Variants in GPR176 observed in about 807,000 individuals in gnomAD.
The protein encoded by GPR176 is G protein-coupled receptor 176.
Under a neutral mutation model 35.4 loss-of-function variants are expected in GPR176, and 26 were observed. That is an observed-to-expected ratio of 0.74 (90% CI 0.54 to 1.02). The LOEUF (loss-of-function observed/expected upper bound fraction) is 1.02. Among genes scored for constraint, GPR176 ranks in the 50% least tolerant of loss-of-function variants. GPR176 has a pLI of 0.00. For synonymous variants in GPR176, 278 were observed against 271.3 expected (o/e 1.02, Z -0.24); for missense variants, 597 against 665.3 (o/e 0.90, Z 1.13).
intron 1 of GPR176, among the ~76,000 whole-genome samples, chr15:39,890,870 T>C (rs1226452655): frequency 1.3e-5 from 2 of 152,218 alleles, no homozygotes; most frequent in Admixed American, 1.3e-4. Flanking sequence ...TGACTAGGCT[T>C]CCATAAGGCC....
chr15:39,877,371 C>T (rs1306516281), intron 1 of GPR176, among the ~76,000 whole-genome samples: 1 of 152,142 alleles, frequency 6.6e-6, no homozygotes, highest in African/African-American at 2.4e-5. Flanking sequence ...ATATTCACCC[C>T]AAATTCCCCC....
At chr15:39,817,060 T>G (rs1233301819) in intron 1 of GPR176, among the ~76,000 whole-genome samples, 1 of 22,014 alleles carries the variant, frequency 4.5e-5, no homozygotes, top group Admixed American at 6.1e-4. Context: ...CAGAGCAGGA[T>G]TCTGTCTCAA....
chr15:39,827,446 A>T (rs1336106897), intron 1 of GPR176, among the ~76,000 whole-genome samples: 1 of 152,154 alleles, frequency 6.6e-6, no homozygotes, highest in African/African-American at 2.4e-5. Flanking sequence ...CTTTTGAAAG[A>T]GTTAGTTTCT....
chr15:39,876,238 T>C (rs1390326927), intron 1 of GPR176, among the ~76,000 whole-genome samples: 2 of 152,108 alleles, frequency 1.3e-5, no homozygotes, highest in Non-Finnish European at 2.9e-5. Flanking sequence ...ATGCTTCAGC[T>C]GCATAAACAT....
chr15:39,893,095 C>CT (rs78705672), intron 1 of GPR176, among the ~76,000 whole-genome samples: 23 of 150,312 alleles, frequency 1.5e-4, no homozygotes, highest in Middle Eastern at 3.4e-3. Flanking sequence ...CTCTAACTCT[C>CT]TTTTTTTTTT....
chr15:39,889,834 T>C (rs1410450836), intron 1 of GPR176, among the ~76,000 whole-genome samples: 1 of 152,126 alleles, frequency 6.6e-6, no homozygotes, highest in Non-Finnish European at 1.5e-5. Flanking sequence ...AGAATGAATG[T>C]ATGCACAAAA....
intron 1 of GPR176, among the ~76,000 whole-genome samples, chr15:39,809,557 AC>A (rs1899409733): frequency 6.6e-6 from 1 of 152,152 alleles, no homozygotes; most frequent in African/African-American, 2.4e-5. Context: ...ACCTCTATAT[AC>A]TTTTTATTTT....
At chr15:39,836,062 T>C (rs554238507) in intron 1 of GPR176, among the ~76,000 whole-genome samples, 12 of 152,326 alleles carry the variant, frequency 7.9e-5, no homozygotes, top group Admixed American at 1.3e-4. Flanking sequence ...GCCACTGCAC[T>C]CTAGCCTGGG....
At chr15:39,918,234 G>A (rs1044147665) in intron 1 of GPR176, among the ~76,000 whole-genome samples, 2 of 152,070 alleles carry the variant, frequency 1.3e-5, no homozygotes, top group African/African-American at 4.8e-5. Context: ...TACAAAAATG[G>A]AAAGGACATG....
intron 2 of GPR176, among the ~76,000 whole-genome samples, chr15:39,806,414 A>G (rs1318825846): frequency 1.3e-5 from 2 of 152,260 alleles, no homozygotes; most frequent in Admixed American, 1.3e-4. Flanking sequence ...GATAAAATTG[A>G]TAAAATTATG....
At chr15:39,902,011 G>A (rs1261308311) in intron 1 of GPR176, among the ~76,000 whole-genome samples, 1 of 152,094 alleles carries the variant, frequency 6.6e-6, no homozygotes, top group Non-Finnish European at 1.5e-5. Context: ...TTGAACCCAG[G>A]AGGCAGAGGT....
chr15:39,910,813 G>A (rs552096255), intron 1 of GPR176, among the ~76,000 whole-genome samples: 11 of 152,114 alleles, frequency 7.2e-5, no homozygotes, highest in Non-Finnish European at 1.5e-4. Context: ...CAAGGCAGAC[G>A]GATCACCTAA....
intron 1 of GPR176, among the ~76,000 whole-genome samples, chr15:39,828,022 T>A (rs574930168): frequency 6.6e-6 from 1 of 152,162 alleles, no homozygotes; most frequent in African/African-American, 2.4e-5. Context: ...TATTGGGAGA[T>A]GGTATAATAA....
intron 1 of GPR176, among the ~76,000 whole-genome samples, chr15:39,864,396 G>A (rs1017991145): frequency 6.6e-6 from 1 of 152,170 alleles, no homozygotes; most frequent in African/African-American, 2.4e-5. Context: ...CTGGGGAAAG[G>A]AAATCCTTTT....
intron 1 of GPR176, among the ~76,000 whole-genome samples, chr15:39,907,605 T>C (rs967899430): frequency 2.6e-5 from 4 of 152,160 alleles, no homozygotes. Flanking sequence ...CCCTTAGCCC[T>C]CCCTGCCTGC....
intron 1 of GPR176, among the ~76,000 whole-genome samples, chr15:39,832,624 A>C (rs899108554): frequency 4.0e-5 from 6 of 150,292 alleles, no homozygotes; most frequent in Non-Finnish European, 7.4e-5. Flanking sequence ...CACATAAAAC[A>C]TGCTAACGCT....
At chr15:39,913,645 C>T (rs943010613) in intron 1 of GPR176, among the ~76,000 whole-genome samples, 11 of 152,046 alleles carry the variant, frequency 7.2e-5, no homozygotes, top group Non-Finnish European at 1.6e-4. Flanking sequence ...GTGCTACTAC[C>T]GAAGGATACA....
chr15:39,829,494 G>A (rs1202871861), intron 1 of GPR176, among the ~76,000 whole-genome samples: 2 of 152,132 alleles, frequency 1.3e-5, no homozygotes, highest in African/African-American at 4.8e-5. Flanking sequence ...GAAAGGACTT[G>A]AGACCATTAG....
At chr15:39,864,073 C>A (rs943913674) in intron 1 of GPR176, among the ~76,000 whole-genome samples, 36 of 152,196 alleles carry the variant, frequency 2.4e-4, no homozygotes, top group African/African-American at 8.2e-4. Context: ...TACAAAACAA[C>A]CCCTACTAAG....
Sources: gnomAD v4.1 joint callset for allele counts (sites outside exome capture counted in the v4.1 genomes callset) on GRCh38, gnomAD v4.1.1 for gene constraint, MANE v1.5 for transcripts, NCBI Gene and HGNC (gene_info 2026-07-23, HGNC 2026-07-21) for gene names.